The following KITLG variants were observed in gnomAD, a reference collection of about 807,000 sequenced individuals.
KITLG encodes KIT ligand, also known as c-Kit ligand.
KITLG carries 13 observed loss-of-function variants against 34.1 expected under a neutral mutation model. The ratio of observed to expected loss-of-function variants is 0.38; its 90% CI spans 0.25 to 0.61. KITLG has a LOEUF of 0.61. KITLG is among the 20% of genes least tolerant of loss of function. The probability of loss-of-function intolerance (pLI) is 0.60; values close to 1 mark genes in which losing one functional copy is unlikely to be tolerated. For synonymous variants in KITLG, 110 were observed against 104.0 expected (o/e 1.06, Z -0.35); for missense variants, 292 against 318.9 (o/e 0.92, Z 0.64).
intron 1 of KITLG, among the ~76,000 whole-genome samples, chr12:88,572,897 C>A (rs551650221): frequency 1.3e-5 from 2 of 152,220 alleles, no homozygotes; most frequent in African/African-American, 4.8e-5. Context: ...AGTCCTCTGA[C>A]TAACAGAGCA....
chr12:88,501,642 T>A (rs563813121), intron 9 of KITLG, among the ~76,000 whole-genome samples: 188 of 152,308 alleles, frequency 1.2e-3, no homozygotes, highest in Middle Eastern at 3.4e-3. Context: ...ACAAATGATA[T>A]ACACACATTT....
At chr12:88,571,120 G>C (rs191785782) in intron 1 of KITLG, among the ~76,000 whole-genome samples, 1 of 152,258 alleles carries the variant, frequency 6.6e-6, no homozygotes, top group East Asian at 1.9e-4. Flanking sequence ...TTTTATTTAT[G>C]AAAGCCCTAT....
intron 9 of KITLG, among the ~76,000 whole-genome samples, chr12:88,503,926 G>A (rs1338381728): frequency 1.3e-5 from 2 of 152,058 alleles, no homozygotes; most frequent in South Asian, 4.1e-4. Flanking sequence ...AAACATTCTG[G>A]TTTTCTCTTG....
chr12:88,529,527 A>G (rs1870002326), intron 3 of KITLG, among the ~76,000 whole-genome samples: 1 of 152,178 alleles, frequency 6.6e-6, no homozygotes. Flanking sequence ...TCCCTTTTCT[A>G]GGAGAATTTA....
chr12:88,564,432 G>C (rs184978291), intron 1 of KITLG: 1 of 152,064 alleles, frequency 6.6e-6, no homozygotes, highest in Admixed American at 6.5e-5. Context: ...GAGAGAATAG[G>C]GATCTACTTC....
In KITLG at chr12:88,496,151, A is replaced by G. The variant is rs914194033; in HGVS notation, c.*1068T>C. On this transcript the variant is annotated 3_prime_UTR_variant, in exon 10 of 10. Coordinates refer to ENST00000644744, the MANE Select transcript of KITLG (RefSeq NM_000899.5). ...ATGGTGATTATACTATAAATAACTA[A>G]AGTTTCCTGATTCCTTGCATTATAA... The G allele has an allele frequency of 3.3e-5, 5 of 152,096 alleles. No individual in the cohort carries two copies. Among genetic ancestry groups the G allele is most frequent in the Non-Finnish European group, 5.9e-5 (4 of 68,012 alleles). The allele number at this position is 152,096 out of a possible 1,614,324, so 9.4% of individuals were successfully genotyped here.
intron 1 of KITLG, among the ~76,000 whole-genome samples, chr12:88,571,586 C>T (rs1018927744): frequency 6.6e-6 from 1 of 151,960 alleles, no homozygotes; most frequent in Non-Finnish European, 1.5e-5. Flanking sequence ...AAAATTTTGC[C>T]ATTAGAAAAA....
At chr12:88,506,461 C>CT in intron 7 of KITLG, 83 bp from the exon 8 acceptor site, 1 of 940,844 alleles carries the variant, frequency 1.1e-6, no homozygotes, top group Non-Finnish European at 1.8e-6. Context: ...CCACTTTTAT[C>CT]TTTTATGGCA....
Position 88,497,020 on chromosome 12 carries a change from C to T in KITLG, c.*199G>A, listed in dbSNP as rs538080219. On this transcript the variant is annotated 3_prime_UTR_variant, in exon 10 of 10. Transcript: ENST00000644744. The stretch of plus-strand genomic sequence containing the variant: ...AGTTCTTCTTTATAGATGATTAATT[C>T]AGTGCCAGTTTCACAGTAAAACATT... The T allele has an allele frequency of 1.0e-3, 322 of 316,480 alleles. 1 individual carries two copies. Among genetic ancestry groups the T allele is most frequent in the Non-Finnish European group, 8.8e-4 (139 of 157,740 alleles). The allele number at this position is 316,480 out of a possible 1,614,324, so 19.6% of individuals were successfully genotyped here. A position where few individuals can be genotyped will look rare whatever the true frequency, so the allele number is the denominator to read the frequency against.
intron 2 of KITLG, among the ~76,000 whole-genome samples, chr12:88,536,289 T>A (rs555445628): frequency 1.3e-5 from 2 of 152,050 alleles, no homozygotes; most frequent in African/African-American, 4.8e-5. Context: ...AAGAAACATA[T>A]GAAAAATTGC....
chr12:88,566,962 G>T (rs946900715), intron 1 of KITLG, among the ~76,000 whole-genome samples: 1 of 152,138 alleles, frequency 6.6e-6, no homozygotes, highest in Non-Finnish European at 1.5e-5. Context: ...CTGTCAGTAA[G>T]TTCTTGTTCT....
At chr12:88,559,979 T>G (rs1871244488) in intron 1 of KITLG, among the ~76,000 whole-genome samples, 2 of 152,244 alleles carry the variant, frequency 1.3e-5, no homozygotes, top group Non-Finnish European at 2.9e-5. Flanking sequence ...GCTCACTGTT[T>G]ATGAAGATGA....
At chr12:88,574,305 A>C (rs1449301664) in intron 1 of KITLG, among the ~76,000 whole-genome samples, 1 of 151,330 alleles carries the variant, frequency 6.6e-6, no homozygotes, top group Non-Finnish European at 1.5e-5. Flanking sequence ...AAAAAAAAAG[A>C]AAAAAAGAAA....
chr12:88,516,283 A>G lies in KITLG; in HGVS notation c.520+51T>C, dbSNP rs779571652. 3.4e-6 allele frequency: 5 copies of G among 1,487,952 alleles called. No homozygotes were observed. In the Admixed American group the frequency reaches 8.4e-5, roughly 25 times the overall value. 92.2% of individuals were successfully genotyped at this position (1,487,952 alleles called of 1,614,324 possible). A position where few individuals can be genotyped will look rare whatever the true frequency, so the allele number is the denominator to read the frequency against. On this transcript the variant is annotated intron_variant, in intron 5 of 9. Coordinates refer to ENST00000644744, the MANE Select transcript of KITLG (RefSeq NM_000899.5). ...GAGGTAGATTCTTACTACATAGGGA[A>G]GATTTAAGTTTGTTGTTTACATTTG...
At chr12:88,508,041 G>C (rs1869132203) in intron 6 of KITLG, among the ~76,000 whole-genome samples, 1 of 152,040 alleles carries the variant, frequency 6.6e-6, no homozygotes, top group Admixed American at 6.6e-5. Context: ...ACAAAAATTA[G>C]CTGGGTGTGG....
At chr12:88,545,682 T>C (rs373824501) in intron 2 of KITLG, 70 bp downstream of exon 2, 270 of 879,628 alleles carry the variant, frequency 3.1e-4, no homozygotes, top group Admixed American at 1.1e-3. Flanking sequence ...TCTAAATCTT[T>C]TATCAACAAG....
chr12:88,503,297 T>C (rs1236515181), intron 9 of KITLG, among the ~76,000 whole-genome samples: 1 of 152,184 alleles, frequency 6.6e-6, no homozygotes, highest in Admixed American at 6.5e-5. Context: ...AATTTATGAC[T>C]CAGTTCCACT....
intron 2 of KITLG, among the ~76,000 whole-genome samples, chr12:88,538,179 G>A (rs1025018584): frequency 6.6e-6 from 1 of 152,094 alleles, no homozygotes; most frequent in Non-Finnish European, 1.5e-5. Context: ...AGGGTCTTAT[G>A]CAAAGGCAAA....
intron 1 of KITLG, among the ~76,000 whole-genome samples, chr12:88,566,948 T>C (rs1434244682): frequency 2.6e-5 from 4 of 152,194 alleles, no homozygotes; most frequent in Non-Finnish European, 5.9e-5. Context: ...ATGGATCTCC[T>C]GCGCTGTCAG....
Sources: allele counts gnomAD v4.1 joint callset (sites outside exome capture counted in the v4.1 genomes callset), GRCh38; gene constraint gnomAD v4.1.1; transcripts MANE v1.5; gene names NCBI Gene and HGNC (gene_info 2026-07-23, HGNC 2026-07-21).